The following COL16A1 variants were observed in gnomAD, a reference collection of about 807,000 sequenced individuals.
The protein encoded by COL16A1 is collagen type XVI alpha 1 chain.
COL16A1 carries 189 observed loss-of-function variants against 266.3 expected under a neutral mutation model. The ratio of observed to expected loss-of-function variants is 0.71; its 90% CI spans 0.63 to 0.80. The LOEUF (loss-of-function observed/expected upper bound fraction) is 0.80. COL16A1 is among the 30% of genes least tolerant of loss of function. COL16A1 has a pLI of 0.00. For missense variants in COL16A1, 1,928 were observed against 2,122.4 expected (o/e 0.91, Z 1.80); for synonymous variants, 740 against 782.3 (o/e 0.95, Z 0.90).
Position 31,653,746 on chromosome 1 carries a change from AACACACACACAC to A in COL16A1, c.4535-82_4535-71del, listed in dbSNP as rs3841648. On this transcript the variant is annotated intron_variant, in intron 69 of 70. Transcript: ENST00000373672. ...TGACACAGCCAGTCAGATTACTTGAAACACACACACACACACACACACACACACATACATCCC... is the reference window on the plus strand; with the variant it reads ...TGACACAGCCAGTCAGATTACTTGAAACACACACACACACACATACATCCC... 16 of 1,456,780 alleles carry A rather than the reference AACACACACACAC, an allele frequency of 1.1e-5. No individual in the cohort carries two copies. In the Admixed American group the frequency reaches 1.2e-4, roughly 11 times the overall value. The allele number at this position is 1,456,780 out of a possible 1,614,324, so 90.2% of individuals were successfully genotyped here. A position where few individuals can be genotyped will look rare whatever the true frequency, so the allele number is the denominator to read the frequency against.
intron 2 of COL16A1, among the ~76,000 whole-genome samples, chr1:31,700,867 G>A (rs1412071986): frequency 1.3e-5 from 2 of 152,202 alleles, no homozygotes; most frequent in African/African-American, 2.4e-5. Flanking sequence ...ATATTAATGG[G>A]TTAGGGCTCC....
chr1:31,691,059 C>A, intron 20 of COL16A1, 129 bp downstream of exon 20: 1 of 1,441,140 alleles, frequency 6.9e-7, no homozygotes, highest in East Asian at 2.3e-5. Context: ...CCGAGCCCAG[C>A]CTCCTCCTCC....
intron 26 of COL16A1, 175 bp from the exon 27 acceptor site, chr1:31,686,454 G>A (rs1026031469): frequency 1.2e-6 from 1 of 861,038 alleles, no homozygotes; most frequent in Non-Finnish European, 1.9e-6. Context: ...CCAGCCAGGG[G>A]CTAGAAGCCC....
In COL16A1 at chr1:31,658,494, G is replaced by C; in HGVS notation, c.4014C>G (p.Gly1338=). 7 of 1,600,064 alleles carry C rather than the reference G, an allele frequency of 4.4e-6. No individual in the cohort carries two copies. The highest frequency in any genetic ancestry group is 5.1e-6 in the Non-Finnish European group (6 of 1,174,140). The change falls in exon 64 of 71, where the codon GGC becomes GGG. Residue 1338 remains glycine (G), a synonymous_variant. Transcript: ENST00000373672. ...GTAGAATGTGGGATCTTACTGGGGG[G>C]CCAGGGTGTCCAGGGGGGCCGGGCT... The part of the protein sequence containing the change: ...PGQPGPPGHP[G]PPGEPGTDGA...
chr1:31,655,690 T>C, intron 66 of COL16A1, 188 bp from the exon 67 acceptor site: 1 of 995,194 alleles, frequency 1.0e-6, no homozygotes, highest in Non-Finnish European at 1.4e-6. Flanking sequence ...CTGGTGTTAC[T>C]CCCTGCTTAG....
At chr1:31,660,715 GC>G (rs1001045832) in intron 61 of COL16A1, 77 bp from the exon 62 acceptor site, 1 of 1,594,150 alleles carries the variant, frequency 6.3e-7, no homozygotes, top group African/African-American at 1.3e-5. Flanking sequence ...ATGGGAGGGG[GC>G]TGGGCAGAAT....
At chr1:31,690,697 T>C (rs1361975306) in intron 20 of COL16A1, 124 bp from the exon 21 acceptor site, 1 of 1,461,386 alleles carries the variant, frequency 6.8e-7, no homozygotes, top group Non-Finnish European at 9.1e-7. Context: ...CTTGTTGCCA[T>C]TTGTTCCATT....
At chr1:31,699,669 G>A in intron 4 of COL16A1, 144 bp downstream of exon 4, 2 of 649,242 alleles carry the variant, frequency 3.1e-6, no homozygotes, top group Middle Eastern at 4.3e-4. Context: ...CAAGCCCAGG[G>A]GTGGAGACCA....
Position 31,657,327 on chromosome 1 carries a change from CT to C in COL16A1, c.4021-260del, listed in dbSNP as rs1415071898. On this transcript the variant is annotated intron_variant, in intron 64 of 70. Transcript: ENST00000373672. This position sits in a 1 kb window ranked among gnomAD's most constrained non-coding sequence, Gnocchi z 6.4. ...CAAGGGAAGAACAGACCGTGCCTGC[CT>C]TGCTGTGTGCTTGGATCCTGGCACC... 3 of 553,736 alleles carry C rather than the reference CT, an allele frequency of 5.4e-6. No homozygotes were observed. The highest frequency in any genetic ancestry group is 6.5e-6 in the Non-Finnish European group (2 of 309,184). The allele number at this position is 553,736 out of a possible 1,614,324, so 34.3% of individuals were successfully genotyped here. A position where few individuals can be genotyped will look rare whatever the true frequency, so the allele number is the denominator to read the frequency against.
chr1:31,671,999 GAGCTGAC>G (rs1642756709), intron 47 of COL16A1, among the ~76,000 whole-genome samples: 1 of 152,220 alleles, frequency 6.6e-6, no homozygotes, highest in Admixed American at 6.5e-5. Flanking sequence ...AGTTGGTGTT[GAGCTGAC>G]ACCTGTAGAA....
At chr1:31,696,031 G>T in intron 9 of COL16A1, 57 bp downstream of exon 9, 1 of 1,482,010 alleles carries the variant, frequency 6.7e-7, no homozygotes, top group Non-Finnish European at 9.4e-7. Context: ...GGGGTTTACA[G>T]GGGCACAGAG....
chr1:31,696,149 G>C lies in COL16A1; in HGVS notation c.865-8C>G, dbSNP rs1350351740. ...CGTCAGCTGGGCATCCACCTGGGCA[G>C]ACAGAGCAAAGAGAAACCCTTGAGG... On this transcript the variant is annotated splice_region_variant and splice_polypyrimidine_tract_variant and intron_variant, in intron 8 of 70. Transcript: ENST00000373672. 1 of 1,613,274 alleles carries C rather than the reference G, an allele frequency of 6.2e-7. No homozygotes were observed. Among genetic ancestry groups the C allele is most frequent in the Non-Finnish European group, 8.5e-7 (1 of 1,179,696 alleles).
chr1:31,684,343 G>A (rs1557665762), intron 31 of COL16A1, 112 bp from the exon 32 acceptor site: 2 of 1,446,718 alleles, frequency 1.4e-6, no homozygotes, highest in East Asian at 5.0e-5. Flanking sequence ...ACGTCAGCCT[G>A]GGAAATCAAA....
intron 47 of COL16A1, 22 bp from the exon 48 acceptor site, chr1:31,671,681 AT>A (rs771402395): frequency 3.1e-5 from 50 of 1,613,800 alleles, no homozygotes; most frequent in Non-Finnish European, 4.0e-5. Context: ...GCCAAGGGAA[AT>A]GGATGAAGAG....
Position 31,656,173 on chromosome 1 carries a change from A to G in COL16A1, c.4101+227T>C. 1.5e-6 allele frequency: 1 copy of G among 660,670 alleles called. No homozygotes were observed. The highest frequency in any genetic ancestry group is 2.6e-6 in the Non-Finnish European group (1 of 391,006). The allele number at this position is 660,670 out of a possible 1,614,324, so 40.9% of individuals were successfully genotyped here. On this transcript the variant is annotated intron_variant, in intron 66 of 70. Coordinates refer to ENST00000373672, the MANE Select transcript of COL16A1 (RefSeq NM_001856.4). The surrounding 1 kb of genome is among the most constrained non-coding windows in gnomAD (Gnocchi z 4.2). ...GGGAAATGGAAACAATGAATGAATC[A>G]ATCAGTCAATCAGTGAGTAAATGAA...
At chr1:31,695,042 C>A in intron 11 of COL16A1, 144 bp downstream of exon 11, 1 of 838,662 alleles carries the variant, frequency 1.2e-6, no homozygotes. Context: ...GGGTTAAGCC[C>A]GGCTCTGGGA....
chr1:31,672,659 A>C, intron 45 of COL16A1, 22 bp from the exon 46 acceptor site: 1 of 1,605,828 alleles, frequency 6.2e-7, no homozygotes, highest in Admixed American at 1.7e-5. Flanking sequence ...AATGAGAGGC[A>C]CATTGTCTGA....
intron 67 of COL16A1, 95 bp downstream of exon 67, chr1:31,655,219 C>T: frequency 6.6e-7 from 1 of 1,513,102 alleles, no homozygotes; most frequent in Non-Finnish European, 8.8e-7. Flanking sequence ...CTCTTTCCCA[C>T]AGAATGTCAG....
rs373127870 is a variant in COL16A1, at chr1:31,680,012, T to C, written c.2670+30A>G. 5.6e-6 allele frequency: 9 copies of C among 1,612,512 alleles called. No homozygotes were observed. The East Asian group carries it at 6.7e-5, about 12-fold the overall frequency. ...GGCTGAAGCTGGTCCTCTCCCCCAG[T>C]TGGGGGAAGGCTCTCACAGCGCCAC... On this transcript the variant is annotated intron_variant, in intron 40 of 70. Coordinates refer to ENST00000373672, the MANE Select transcript of COL16A1 (RefSeq NM_001856.4).
Sources: gnomAD v4.1 joint callset for allele counts (sites outside exome capture counted in the v4.1 genomes callset) on GRCh38, gnomAD v4.1.1 for gene constraint, Gnocchi (gnomAD v3.1) non-coding constraint, MANE v1.5 for transcripts, NCBI Gene and HGNC (gene_info 2026-07-23, HGNC 2026-07-21) for gene names.